PTBP2: variants seen among roughly 807,000 people sequenced by gnomAD.
PTBP2 encodes the protein polypyrimidine tract-binding protein 2.
A neutral mutation model predicts 61.4 loss-of-function variants in PTBP2; 13 were observed. That is an observed-to-expected ratio of 0.21 (90% CI 0.14 to 0.34). PTBP2 has a LOEUF of 0.34. Among genes scored for constraint, PTBP2 ranks in the 10% least tolerant of loss-of-function variants. The probability of loss-of-function intolerance (pLI) is 1.00; values close to 1 mark genes in which losing one functional copy is unlikely to be tolerated. For synonymous variants in PTBP2, 215 were observed against 218.5 expected (o/e 0.98, Z 0.14); for missense variants, 405 against 642.6 (o/e 0.63, Z 4.00).
chr1:96,804,958 A>C lies in PTBP2; in HGVS notation c.1044+19A>C, dbSNP rs747212903. 116 of 1,533,830 alleles carry C rather than the reference A, an allele frequency of 7.6e-5. No homozygotes were observed. The highest frequency in any genetic ancestry group is 9.8e-5 in the Non-Finnish European group (111 of 1,134,022). ...TGAAGAGGTTAGTAAAATAATCTCT[A>C]ATGTTTATTCTTTAACTCCATTTCA... On this transcript the variant is annotated intron_variant, in intron 9 of 13. Transcript: ENST00000674951.
intron 2 of PTBP2, among the ~76,000 whole-genome samples, chr1:96,731,736 C>T (rs899752125): frequency 1.1e-4 from 17 of 151,896 alleles, no homozygotes; most frequent in African/African-American, 4.1e-4. Flanking sequence ...TTTGTTAGCT[C>T]AGTGAGACTA....
chr1:96,727,527 TTCCAG>T (rs1335361061), intron 2 of PTBP2, among the ~76,000 whole-genome samples: 7 of 152,202 alleles, frequency 4.6e-5, no homozygotes, highest in African/African-American at 1.4e-4. Flanking sequence ...GGTATGAAAT[TTCCAG>T]TCCTTCCACA....
chr1:96,725,279 G>A (rs1650244197), intron 2 of PTBP2, among the ~76,000 whole-genome samples: 1 of 151,722 alleles, frequency 6.6e-6, no homozygotes, highest in Non-Finnish European at 1.5e-5. Context: ...GGATGTCCAG[G>A]TGTAATGTAT....
At chr1:96,784,423 C>T (rs1659005651) in intron 7 of PTBP2, among the ~76,000 whole-genome samples, 1 of 152,060 alleles carries the variant, frequency 6.6e-6, no homozygotes, top group East Asian at 1.9e-4. Flanking sequence ...TTAATTAATC[C>T]TAGACCTGGC....
At chr1:96,755,228 T>C (rs185177899) in intron 3 of PTBP2, among the ~76,000 whole-genome samples, 2 of 152,284 alleles carry the variant, frequency 1.3e-5, no homozygotes, top group South Asian at 2.1e-4. Flanking sequence ...AGATGGTAAG[T>C]AAGCACGTGA....
At chr1:96,815,402 G>T (rs1662443041), downstream of PTBP2, 1 of 152,056 alleles carries the variant, frequency 6.6e-6, no homozygotes, top group South Asian at 2.1e-4. Context: ...CTTTTGCCTT[G>T]GGTGGGAAGA....
chr1:96,727,838 G>A (rs1169210819), intron 2 of PTBP2, among the ~76,000 whole-genome samples: 2 of 151,828 alleles, frequency 1.3e-5, no homozygotes, highest in Non-Finnish European at 2.9e-5. Context: ...TCTTATTCTC[G>A]CATTGTCTTT....
chr1:96,800,753 G>T (rs182845257), intron 8 of PTBP2, among the ~76,000 whole-genome samples: 1 of 151,854 alleles, frequency 6.6e-6, no homozygotes, highest in African/African-American at 2.4e-5. Flanking sequence ...GGGTGGGGAA[G>T]CTTTAGCCTA....
intron 8 of PTBP2, among the ~76,000 whole-genome samples, chr1:96,795,901 T>C (rs1444785856): frequency 6.6e-6 from 1 of 152,108 alleles, no homozygotes; most frequent in Non-Finnish European, 1.5e-5. Context: ...ATGATAATAA[T>C]CCCTTTCATT....
chr1:96,766,868 T>G (rs1656788261), intron 3 of PTBP2, among the ~76,000 whole-genome samples: 2 of 152,078 alleles, frequency 1.3e-5, no homozygotes, highest in South Asian at 4.1e-4. Flanking sequence ...CCTACTATAG[T>G]GTAGTTGTTG....
chr1:96,790,581 T>C (rs1447349558), intron 8 of PTBP2, among the ~76,000 whole-genome samples: 1 of 152,238 alleles, frequency 6.6e-6, no homozygotes, highest in Admixed American at 6.5e-5. Context: ...TCAACTAGAA[T>C]TATCAACCTT....
chr1:96,729,936 C>G (rs548714548), intron 2 of PTBP2, among the ~76,000 whole-genome samples: 3 of 152,156 alleles, frequency 2.0e-5, no homozygotes, highest in African/African-American at 7.2e-5. Flanking sequence ...CGGGGTTTCA[C>G]TATGTTGGCC....
At chr1:96,801,322 T>A (rs532110732) in intron 8 of PTBP2, among the ~76,000 whole-genome samples, 66 of 152,280 alleles carry the variant, frequency 4.3e-4, no homozygotes, top group African/African-American at 1.5e-3. Context: ...TGTATCTTTT[T>A]AAATTCCTTA....
chr1:96,817,518 G>T (rs574885087), downstream of PTBP2: 1 of 151,994 alleles, frequency 6.6e-6, no homozygotes, highest in African/African-American at 2.4e-5. Flanking sequence ...AAGTTATAGA[G>T]TATTAGATTA....
intron 9 of PTBP2, 34 bp downstream of exon 9, chr1:96,804,973 A>T: frequency 9.1e-6 from 13 of 1,433,888 alleles, no homozygotes; most frequent in South Asian, 4.8e-5. Context: ...TTATTCTTTA[A>T]CTCCATTTCA....
chr1:96,741,156 C>G (rs891315611), intron 2 of PTBP2, among the ~76,000 whole-genome samples: 7 of 148,768 alleles, frequency 4.7e-5, no homozygotes, highest in African/African-American at 1.5e-4. Context: ...TTTGCATTCC[C>G]TATTAATGCA....
intron 2 of PTBP2, among the ~76,000 whole-genome samples, chr1:96,723,959 T>G (rs1205192013): frequency 6.6e-6 from 1 of 152,232 alleles, no homozygotes; most frequent in Non-Finnish European, 1.5e-5. Context: ...CTAAGTTTTT[T>G]GTTTTTTATT....
At chr1:96,753,491 C>G (rs1273074348) in intron 3 of PTBP2, among the ~76,000 whole-genome samples, 1 of 151,572 alleles carries the variant, frequency 6.6e-6, no homozygotes, top group Non-Finnish European at 1.5e-5. Flanking sequence ...ACAACACCCC[C>G]AAGAAAGACA....
intron 3 of PTBP2, among the ~76,000 whole-genome samples, chr1:96,757,285 C>CA (rs1557715322): frequency 6.6e-6 from 1 of 152,052 alleles, no homozygotes; most frequent in Non-Finnish European, 1.5e-5. Context: ...TCCGTGCAAA[C>CA]AGTAAGCACA....
Sources: allele counts gnomAD v4.1 joint callset (sites outside exome capture counted in the v4.1 genomes callset), GRCh38; gene constraint gnomAD v4.1.1; transcripts MANE v1.5; gene names NCBI Gene and HGNC (gene_info 2026-07-23, HGNC 2026-07-21).